The following PTPRG variants were observed in gnomAD, a reference collection of about 807,000 sequenced individuals.
PTPRG encodes the protein receptor-type tyrosine-protein phosphatase gamma.
Under a neutral mutation model 165.3 loss-of-function variants are expected in PTPRG, and 102 were observed. The observed-to-expected ratio is 0.62, with a 90% CI of 0.53 to 0.73. PTPRG has a LOEUF of 0.73. Among genes scored for constraint, PTPRG ranks in the 30% least tolerant of loss-of-function variants. The probability of loss-of-function intolerance (pLI) is 0.00; values close to 1 mark genes in which losing one functional copy is unlikely to be tolerated. For missense variants in PTPRG, 1,866 were observed against 1,861.4 expected (o/e 1.00, Z -0.05); for synonymous variants, 675 against 669.5 (o/e 1.01, Z -0.13).
chr3:61,834,824 C>A (rs2036413752), intron 2 of PTPRG, among the ~76,000 whole-genome samples: 1 of 134,188 alleles, frequency 7.5e-6, no homozygotes, highest in Admixed American at 7.2e-5. Flanking sequence ...AAGAAAAAAA[C>A]ATGAACATTT....
intron 1 of PTPRG, among the ~76,000 whole-genome samples, chr3:61,665,460 G>T (rs4688265): frequency 0.98 from 147,948 of 151,312 alleles, 72,377 homozygotes; most frequent in Non-Finnish European, 1. Context: ...ATGGTGAATT[G>T]TAAATAAATA....
At chr3:62,057,391 A>T (rs1267459658) in intron 4 of PTPRG, among the ~76,000 whole-genome samples, 1 of 152,114 alleles carries the variant, frequency 6.6e-6, no homozygotes, top group Non-Finnish European at 1.5e-5. Context: ...TTTTTATTTC[A>T]AAAGAAGTGC....
chr3:61,624,547 A>G (rs534990790), intron 1 of PTPRG, among the ~76,000 whole-genome samples: 3 of 152,240 alleles, frequency 2.0e-5, no homozygotes, highest in Non-Finnish European at 1.5e-5. Context: ...CATCGCAAAG[A>G]CATGGCTATC....
intron 16 of PTPRG, among the ~76,000 whole-genome samples, chr3:62,256,782 A>G (rs540795154): frequency 6.6e-6 from 1 of 152,210 alleles, no homozygotes; most frequent in African/African-American, 2.4e-5. Flanking sequence ...AGTGCTATTC[A>G]TCACAGCTGG....
chr3:62,144,325 A>G (rs146618464), intron 6 of PTPRG, among the ~76,000 whole-genome samples: 263 of 152,360 alleles, frequency 1.7e-3, no homozygotes, highest in African/African-American at 6.1e-3. Flanking sequence ...ACCATTTGCT[A>G]GGCTTTACAG....
chr3:61,676,914 C>G (rs1703253151), intron 1 of PTPRG, among the ~76,000 whole-genome samples: 1 of 152,120 alleles, frequency 6.6e-6, no homozygotes, highest in South Asian at 2.1e-4. Context: ...TCCTGTGAGC[C>G]TCCAGTTAGC....
intron 10 of PTPRG, 79 bp from the exon 11 acceptor site, chr3:62,201,426 G>T (rs911254363): frequency 8.9e-6 from 10 of 1,124,914 alleles, no homozygotes; most frequent in South Asian, 3.2e-5. Flanking sequence ...ATGTAATTCA[G>T]ATTTGTGTTC....
chr3:61,977,041 C>G (rs768599715), intron 2 of PTPRG, among the ~76,000 whole-genome samples: 17 of 152,084 alleles, frequency 1.1e-4, no homozygotes, highest in Non-Finnish European at 2.2e-4. Context: ...TTATTATTGC[C>G]TATCTCCCTA....
At position 62,132,618 on chromosome 3, in the gene PTPRG, A is replaced by G. The variant is rs777665676; in HGVS notation, c.632A>G (p.Asn211Ser). Residue 211 changes from asparagine to serine, a missense_variant, in exon 6 of 30, where the codon AAT (asparagine) becomes AGT (serine). Physicochemically the swap from Asn to Ser is conservative, Grantham distance 46. This residue lies in a region of PTPRG where 408 missense variants were observed against 376.2 expected (regional missense o/e 1.08). Transcript: ENST00000474889. ...TACATTTAGGTCAGTCCGAGGGACA[A>G]TTCTGCACTGGATCCTATTATCCAC... ...AIFFQVSPRDNSALDPIIHGL... is the reference protein window; with the variant it reads ...AIFFQVSPRDSSALDPIIHGL... 54 of 1,611,556 alleles carry G rather than the reference A, an allele frequency of 3.4e-5. No individual in the cohort carries two copies. The highest frequency in any genetic ancestry group is 1.9e-4 in the South Asian group (17 of 91,026).
chr3:62,132,744 T>G, intron 6 of PTPRG, 76 bp downstream of exon 6: 1 of 1,323,842 alleles, frequency 7.6e-7, no homozygotes, highest in Admixed American at 1.7e-5. Context: ...TCAGGTTATC[T>G]TGCAGAGGAC....
At chr3:61,878,921 G>T (rs1215372138) in intron 2 of PTPRG, among the ~76,000 whole-genome samples, 2 of 152,082 alleles carry the variant, frequency 1.3e-5, no homozygotes, top group African/African-American at 4.8e-5. Context: ...TACTAGTAAG[G>T]CGTCTTATTT....
chr3:62,068,150 G>A (rs568736839), intron 4 of PTPRG, among the ~76,000 whole-genome samples: 2 of 152,282 alleles, frequency 1.3e-5, no homozygotes, highest in African/African-American at 4.8e-5. Flanking sequence ...AAAAATAAGA[G>A]TATCACTTCT....
chr3:61,950,809 G>C (rs369396776), intron 2 of PTPRG, among the ~76,000 whole-genome samples: 1 of 152,210 alleles, frequency 6.6e-6, no homozygotes, highest in African/African-American at 2.4e-5. Flanking sequence ...AATTATTAAT[G>C]TAAAGTCAAA....
At chr3:61,833,756 G>A (rs1053394085) in intron 2 of PTPRG, among the ~76,000 whole-genome samples, 1 of 152,024 alleles carries the variant, frequency 6.6e-6, no homozygotes, top group Non-Finnish European at 1.5e-5. Context: ...GTAGAGACGG[G>A]GTTTCAGCAT....
Position 62,267,851 on chromosome 3 carries a change from T to G in PTPRG, c.2874+32T>G, listed in dbSNP as rs1390823764. 2.5e-6 allele frequency: 4 copies of G among 1,602,776 alleles called. No homozygotes were observed. The East Asian group carries it at 8.9e-5, about 36-fold the overall frequency. On this transcript the variant is annotated intron_variant, in intron 19 of 29. Transcript: ENST00000474889. ...GCCTTTTGACTCACTATCTTAATAATGCACCTTCATTCAAAAGATACTTGT... is the reference window on the plus strand; with the variant it reads ...GCCTTTTGACTCACTATCTTAATAAGGCACCTTCATTCAAAAGATACTTGT...
chr3:61,812,995 T>G (rs1349138783), intron 2 of PTPRG, among the ~76,000 whole-genome samples: 2 of 152,172 alleles, frequency 1.3e-5, no homozygotes, highest in African/African-American at 2.4e-5. Flanking sequence ...TTTTGTTACA[T>G]GCAAAGAATA....
At chr3:61,650,955 A>G (rs193035181) in intron 1 of PTPRG, among the ~76,000 whole-genome samples, 1 of 152,162 alleles carries the variant, frequency 6.6e-6, no homozygotes, top group Admixed American at 6.5e-5. Context: ...AGCAATTTGA[A>G]CCTATATTTT....
chr3:61,797,628 T>A (rs866538024), intron 2 of PTPRG, among the ~76,000 whole-genome samples: 35 of 132,000 alleles, frequency 2.7e-4, no homozygotes, highest in African/African-American at 9.4e-4. Flanking sequence ...AAATCAAGAT[T>A]TTTGGTTTTT....
intron 4 of PTPRG, among the ~76,000 whole-genome samples, chr3:62,056,050 A>G (rs534014372): frequency 6.6e-6 from 1 of 152,364 alleles, no homozygotes; most frequent in East Asian, 1.9e-4. Context: ...ATATGACTCT[A>G]TAGCCCAAGG....
Sources: gnomAD v4.1 joint callset for allele counts (sites outside exome capture counted in the v4.1 genomes callset) on GRCh38, gnomAD v4.1.1 for gene constraint, gnomAD v4.1.1 regional missense constraint, MANE v1.5 for transcripts, NCBI Gene and HGNC (gene_info 2026-07-23, HGNC 2026-07-21) for gene names.